The following ADCY2 variants were observed in gnomAD, a reference collection of about 807,000 sequenced individuals.
ADCY2 encodes adenylate cyclase type 2.
In ADCY2, 31 loss-of-function variants were observed where a neutral mutation model predicts 125.2. That is an observed-to-expected ratio of 0.25 (90% CI 0.19 to 0.33). ADCY2 has a LOEUF of 0.33. Ranked by LOEUF, ADCY2 falls within the 10% of genes least tolerant of loss-of-function variation. The pLI is 1.00. For missense variants in ADCY2, 904 were observed against 1,418.2 expected (o/e 0.64, Z 5.82); for synonymous variants, 512 against 548.4 (o/e 0.93, Z 0.93).
At chr5:7,813,822 TG>T (rs1245967664) in intron 22 of ADCY2, among the ~76,000 whole-genome samples, 1 of 152,216 alleles carries the variant, frequency 6.6e-6, no homozygotes, top group Admixed American at 6.5e-5. Context: ...GAGCGGAGCT[TG>T]TTTGCTGCAC....
At chr5:7,464,694 T>G (rs1292513198) in intron 2 of ADCY2, among the ~76,000 whole-genome samples, 2 of 152,114 alleles carry the variant, frequency 1.3e-5, no homozygotes, top group Non-Finnish European at 2.9e-5. Context: ...ACATTGGATG[T>G]GAAGGAGTCA....
intron 4 of ADCY2, among the ~76,000 whole-genome samples, chr5:7,649,874 C>G (rs1365239298): frequency 2.0e-5 from 3 of 152,094 alleles, no homozygotes; most frequent in African/African-American, 4.8e-5. Context: ...CTCCATTTAC[C>G]CACTTTCCCA....
intron 4 of ADCY2, among the ~76,000 whole-genome samples, chr5:7,651,561 C>A (rs1348929062): frequency 1.3e-5 from 2 of 152,154 alleles, no homozygotes; most frequent in African/African-American, 4.8e-5. Context: ...CCATGCTCTC[C>A]TGCCTGCTTT....
chr5:7,510,183 A>G (rs1295667276), intron 2 of ADCY2, among the ~76,000 whole-genome samples: 1 of 152,236 alleles, frequency 6.6e-6, no homozygotes, highest in East Asian at 1.9e-4. Context: ...TTTAAAATCA[A>G]CTTGGTTTGG....
At chr5:7,664,329 T>C (rs1371632582) in intron 4 of ADCY2, among the ~76,000 whole-genome samples, 2 of 152,302 alleles carry the variant, frequency 1.3e-5, no homozygotes, top group Admixed American at 1.3e-4. Flanking sequence ...TAAAGAACTA[T>C]TCGTTTTTAC....
intron 22 of ADCY2, among the ~76,000 whole-genome samples, chr5:7,806,368 C>T (rs113633729): frequency 0.012 from 1,795 of 152,162 alleles, 36 homozygotes; most frequent in African/African-American, 0.041. Context: ...CTTACTGCCT[C>T]AGGCTCTAAG....
At position 7,828,209 on chromosome 5, in the gene ADCY2, A is replaced by C. The variant is rs533001360; in HGVS notation, c.*1338A>C. 1 of 152,922 alleles carries C rather than the reference A, an allele frequency of 6.5e-6. No individual in the cohort carries two copies. Among genetic ancestry groups the C allele is most frequent in the African/African-American group, 2.4e-5 (1 of 41,586 alleles). The allele number at this position is 152,922 out of a possible 1,614,324, so 9.5% of individuals were successfully genotyped here. On this transcript the variant is annotated 3_prime_UTR_variant, in exon 25 of 25. Coordinates refer to ENST00000338316, the MANE Select transcript of ADCY2 (RefSeq NM_020546.3). ...ACTGCAAATTGTAGCCCAGTTGGTCAAACTTGTTTTCTTTTTATAACTCAT... is the reference window on the plus strand; with the variant it reads ...ACTGCAAATTGTAGCCCAGTTGGTCCAACTTGTTTTCTTTTTATAACTCAT...
chr5:7,419,017 G>A (rs538009377), intron 2 of ADCY2, among the ~76,000 whole-genome samples: 12 of 152,124 alleles, frequency 7.9e-5, no homozygotes, highest in African/African-American at 2.7e-4. Context: ...GAAGTGTTGC[G>A]GCACGTTCAC....
At chr5:7,708,319 AT>A (rs1741330453) in intron 9 of ADCY2, among the ~76,000 whole-genome samples, 1 of 152,200 alleles carries the variant, frequency 6.6e-6, no homozygotes. Context: ...TGCTTGCGAG[AT>A]TGTCTGTATG....
chr5:7,730,441 T>C (rs1742065421), intron 14 of ADCY2, among the ~76,000 whole-genome samples: 1 of 152,216 alleles, frequency 6.6e-6, no homozygotes, highest in African/African-American at 2.4e-5. Flanking sequence ...TCAATGTTTA[T>C]TTAAATCTGC....
intron 3 of ADCY2, among the ~76,000 whole-genome samples, chr5:7,587,175 C>T (rs993204455): frequency 3.4e-4 from 51 of 152,114 alleles, no homozygotes; most frequent in African/African-American, 1.1e-3. Context: ...TACCATCACT[C>T]GCAGGACTAA....
chr5:7,435,262 C>A (rs1740753105), intron 2 of ADCY2, among the ~76,000 whole-genome samples: 1 of 152,118 alleles, frequency 6.6e-6, no homozygotes, highest in East Asian at 1.9e-4. Context: ...TTAAATGTGG[C>A]CCAGGGAAGA....
chr5:7,520,649 T>G, intron 2 of ADCY2, 89 bp from the exon 3 acceptor site: 1 of 1,447,810 alleles, frequency 6.9e-7, no homozygotes, highest in Non-Finnish European at 9.6e-7. Flanking sequence ...CTCATGCTGT[T>G]CTATGCAGCC....
At chr5:7,548,523 C>A (rs1381727593) in intron 3 of ADCY2, among the ~76,000 whole-genome samples, 1 of 152,138 alleles carries the variant, frequency 6.6e-6, no homozygotes, top group Non-Finnish European at 1.5e-5. Flanking sequence ...CATGAACCTG[C>A]CTGTCATTGT....
In ADCY2 at chr5:7,751,297, T is replaced by C. The variant is rs1742807293; in HGVS notation, c.1957-6152T>C. Among the ~76,000 whole-genome samples the C allele has an allele frequency of 3.3e-5, 5 of 152,324 alleles. No homozygotes were observed. The South Asian group carries it at 6.2e-4, about 19-fold the overall frequency. On this transcript the variant is annotated intron_variant, in intron 15 of 24. Coordinates refer to ENST00000338316, the MANE Select transcript of ADCY2 (RefSeq NM_020546.3). ...GAAGCTATTTCAGGTTGTTGTCGTA[T>C]CTGCAGATCTCGTGGTGCTAATTCG...
chr5:7,467,341 T>G (rs923492743), intron 2 of ADCY2, among the ~76,000 whole-genome samples: 1 of 152,208 alleles, frequency 6.6e-6, no homozygotes, highest in Non-Finnish European at 1.5e-5. Context: ...CTCCTACACT[T>G]CCAGGCAATT....
At chr5:7,457,832 G>A (rs949250978) in intron 2 of ADCY2, among the ~76,000 whole-genome samples, 5 of 152,168 alleles carry the variant, frequency 3.3e-5, no homozygotes, top group African/African-American at 9.6e-5. Context: ...CAGTGTGTTC[G>A]TAGTTACCAC....
chr5:7,673,622 C>G (rs186373209), intron 4 of ADCY2, among the ~76,000 whole-genome samples: 1 of 152,234 alleles, frequency 6.6e-6, no homozygotes, highest in East Asian at 1.9e-4. Context: ...CCACTGGGTC[C>G]AAGTAGCCTT....
chr5:7,422,420 GT>G (rs1034823330), intron 2 of ADCY2, among the ~76,000 whole-genome samples: 1 of 151,674 alleles, frequency 6.6e-6, no homozygotes, highest in African/African-American at 2.4e-5. Context: ...CTCTGAGATG[GT>G]TTTTTTTCAG....
Sources: gnomAD v4.1 joint callset for allele counts (sites outside exome capture counted in the v4.1 genomes callset) on GRCh38, gnomAD v4.1.1 for gene constraint, MANE v1.5 for transcripts, NCBI Gene and HGNC (gene_info 2026-07-23, HGNC 2026-07-21) for gene names.